The following MYH11 variants were observed in gnomAD, a reference collection of about 807,000 sequenced individuals.
The protein encoded by MYH11 is myosin heavy chain 11, also known as myosin-11.
In MYH11, 80 loss-of-function variants were observed where a neutral mutation model predicts 246.6. The observed-to-expected ratio is 0.32, with a 90% CI of 0.27 to 0.39. The LOEUF is 0.39. Among genes scored for constraint, MYH11 ranks in the 10% least tolerant of loss-of-function variants. MYH11 has a pLI of 1.00. For missense variants in MYH11, 2,158 were observed against 2,546.8 expected (o/e 0.85, Z 3.29); for synonymous variants, 1,071 against 1,015.5 (o/e 1.05, Z -1.04).
intron 28 of MYH11, 178 bp from the exon 29 acceptor site, chr16:15,725,170 A>G: frequency 1.6e-6 from 1 of 641,310 alleles, no homozygotes; most frequent in Non-Finnish European, 2.7e-6. Flanking sequence ...CACAAAAAAA[A>G]CAGAATCTGT....
chr16:15,714,854 C>A (rs1452889109), intron 40 of MYH11, 55 bp downstream of exon 40: 35 of 1,606,440 alleles, frequency 2.2e-5, no homozygotes, highest in Non-Finnish European at 2.8e-5. Context: ...CCCGAGCCCC[C>A]AGTGCTTTTC....
chr16:15,814,682 T>C (rs1288218145), intron 3 of MYH11, among the ~76,000 whole-genome samples: 1 of 149,490 alleles, frequency 6.7e-6, no homozygotes, highest in East Asian at 2.0e-4. Flanking sequence ...CCTCAGAAAC[T>C]GGCAATGCCA....
intron 26 of MYH11, 90 bp downstream of exon 26, chr16:15,735,276 G>C: frequency 7.1e-7 from 1 of 1,409,186 alleles, no homozygotes; most frequent in Non-Finnish European, 1.0e-6. Context: ...AGGGGCTGAT[G>C]CACGATTTGC....
At chr16:15,717,054 G>T in intron 38 of MYH11, 86 bp downstream of exon 38, 3 of 1,399,720 alleles carry the variant, frequency 2.1e-6, no homozygotes, top group Non-Finnish European at 1.0e-6. Context: ...CAGAACTGAT[G>T]CTGGAAGAGG....
chr16:15,829,194 A>G (rs553215461), intron 2 of MYH11, among the ~76,000 whole-genome samples: 46 of 150,546 alleles, frequency 3.1e-4, no homozygotes, highest in African/African-American at 1.1e-3. Flanking sequence ...GAAAAAAAAA[A>G]AAAGAATAAA....
At position 15,747,744 on chromosome 16, in the gene MYH11, GA is replaced by G; in HGVS notation, c.2251-15del. ...CAGGGCTTTGATCTGCAAAAGGAAG[GA>G]AAGGAAGAGCTCCTGATTTCCACTG... is the stretch of plus-strand genomic sequence containing the variant. On this transcript the variant is annotated splice_polypyrimidine_tract_variant and intron_variant, in intron 18 of 40. Transcript: ENST00000300036. 6.2e-7 allele frequency: 1 copy of G among 1,613,972 alleles called. No individual in the cohort carries two copies. The highest frequency in any genetic ancestry group is 8.5e-7 in the Non-Finnish European group (1 of 1,180,016).
intron 2 of MYH11, among the ~76,000 whole-genome samples, chr16:15,827,424 A>G (rs1476662552): frequency 1.3e-5 from 2 of 152,220 alleles, no homozygotes; most frequent in African/African-American, 2.4e-5. Flanking sequence ...GGGGTGAACT[A>G]TAAGCAGCTT....
chr16:15,816,886 G>A (rs3915499), intron 3 of MYH11, among the ~76,000 whole-genome samples: 56,036 of 151,642 alleles, frequency 0.37, 11,173 homozygotes, highest in African/African-American at 0.53. Flanking sequence ...ACTCTAAGCC[G>A]TCTGCATGAA....
rs2042341088 is a variant in MYH11, at chr16:15,781,019, G to A, written c.726+1366C>T. On this transcript the variant is annotated intron_variant, in intron 6 of 40. Transcript: ENST00000300036. ...TAGACCTAAGTGTCTGTCTCTTACTGTGTCTTCTGTTGGTGTGGCCTGGCC... is the reference window on the plus strand; with the variant it reads ...TAGACCTAAGTGTCTGTCTCTTACTATGTCTTCTGTTGGTGTGGCCTGGCC... Among the ~76,000 whole-genome samples, 3 of 152,124 alleles carry A rather than the reference G, an allele frequency of 2.0e-5. No individual in the cohort carries two copies. In the South Asian group the frequency reaches 6.2e-4, roughly 32 times the overall value.
intron 34 of MYH11, 74 bp from the exon 35 acceptor site, chr16:15,719,787 C>T: frequency 2.5e-6 from 4 of 1,594,026 alleles, no homozygotes; most frequent in Non-Finnish European, 3.4e-6. Context: ...TTCAGCTTTG[C>T]ACACCCACCC....
intron 40 of MYH11, among the ~76,000 whole-genome samples, chr16:15,710,549 C>T (rs117526022): frequency 1.3e-5 from 2 of 152,140 alleles, no homozygotes; most frequent in East Asian, 3.9e-4. Context: ...AAAGAAATCA[C>T]TGGGCCTGAG....
At chr16:15,714,805 C>G in intron 40 of MYH11, 104 bp downstream of exon 40, 1 of 1,380,728 alleles carries the variant, frequency 7.2e-7, no homozygotes, top group Non-Finnish European at 1.0e-6. Context: ...AAGGGAGTGG[C>G]GGCTGTGGGC....
At chr16:15,811,965 T>C (rs1017035394) in intron 3 of MYH11, among the ~76,000 whole-genome samples, 1 of 152,168 alleles carries the variant, frequency 6.6e-6, no homozygotes, top group Non-Finnish European at 1.5e-5. Context: ...CAGGGACCCA[T>C]GGAGGGGCTC....
intron 13 of MYH11, 124 bp downstream of exon 13, chr16:15,757,703 G>T: frequency 8.2e-7 from 1 of 1,224,506 alleles, no homozygotes; most frequent in Non-Finnish European, 1.2e-6. Flanking sequence ...TTTCAGGACT[G>T]GGTGATGGAT....
chr16:15,715,538 G>A (rs1261027202), intron 38 of MYH11, among the ~76,000 whole-genome samples: 1 of 152,218 alleles, frequency 6.6e-6, no homozygotes, highest in Non-Finnish European at 1.5e-5. Context: ...TTGATATCAA[G>A]TGTCCAGAAT....
intron 27 of MYH11, among the ~76,000 whole-genome samples, chr16:15,728,945 T>G (rs2040879084): frequency 6.6e-6 from 1 of 151,858 alleles, no homozygotes; most frequent in South Asian, 2.1e-4. Context: ...GTGAGGGGCT[T>G]CTTTCCAGGT....
chr16:15,798,608 TAAA>T (rs374559754), intron 4 of MYH11, 49 bp downstream of exon 4: 271 of 1,034,686 alleles, frequency 2.6e-4, no homozygotes, highest in Non-Finnish European at 2.9e-4. Flanking sequence ...GACTACAGAT[TAAA>T]AAAAAAAAAA....
At chr16:15,851,684 G>T (rs969042652) in intron 1 of MYH11, among the ~76,000 whole-genome samples, 1 of 152,108 alleles carries the variant, frequency 6.6e-6, no homozygotes, top group African/African-American at 2.4e-5. Flanking sequence ...AGGAAAAAAA[G>T]TGAATGGTGA....
intron 2 of MYH11, among the ~76,000 whole-genome samples, chr16:15,829,775 G>C (rs1015219822): frequency 6.6e-6 from 1 of 152,134 alleles, no homozygotes; most frequent in Non-Finnish European, 1.5e-5. Flanking sequence ...GGTGCTCCCG[G>C]GGCCTGCAGC....
Sources: gnomAD v4.1 joint callset for allele counts (sites outside exome capture counted in the v4.1 genomes callset) on GRCh38, gnomAD v4.1.1 for gene constraint, MANE v1.5 for transcripts, NCBI Gene and HGNC (gene_info 2026-07-23, HGNC 2026-07-21) for gene names.